The following NRF1 variants were observed in gnomAD, a reference collection of about 807,000 sequenced individuals.
The protein encoded by NRF1 is nuclear respiratory factor 1.
A neutral mutation model predicts 58.5 loss-of-function variants in NRF1; 5 were observed. That is an observed-to-expected ratio of 0.09 (90% confidence interval 0.04 to 0.18). The LOEUF is 0.18. NRF1 is among the 10% of genes least tolerant of loss of function. The pLI is 1.00. For missense variants in NRF1, 288 were observed against 657.7 expected (o/e 0.44, Z 6.15); for synonymous variants, 224 against 246.7 (o/e 0.91, Z 0.86).
chr7:129,744,101 G>A, intron 10 of NRF1: 1 of 1,403,030 alleles, frequency 7.1e-7, no homozygotes, highest in Non-Finnish European at 9.6e-7. Context: ...AAGCGCCGCA[G>A]CGGGGCTGGT....
At chr7:129,646,387 G>T (rs537285889) in intron 1 of NRF1, among the ~76,000 whole-genome samples, 3 of 152,220 alleles carry the variant, frequency 2.0e-5, no homozygotes, top group Admixed American at 1.3e-4. Context: ...AGAAAACCAT[G>T]TGTGGCATTT....
chr7:129,719,545 A>ACACACAC (rs1562982215), intron 9 of NRF1, among the ~76,000 whole-genome samples: 4 of 93,094 alleles, frequency 4.3e-5, no homozygotes, highest in South Asian at 6.6e-4. Context: ...CACACACACA[A>ACACACAC]CACATCTTCT....
rs534343291 is a variant in NRF1 at position 129,679,174 on chromosome 7, C to T, written c.465+1416C>T. Among the ~76,000 whole-genome samples the T allele has an allele frequency of 1.4e-4, 22 of 152,294 alleles. No homozygotes were observed. In the South Asian group the frequency reaches 4.1e-3, roughly 29 times the overall value. ...CCAGTTAATTCTGTTATAAACCATA[C>T]ATATAAATGGGTTAAAGTGCCTTGT... On this transcript the variant is annotated intron_variant, in intron 4 of 10. Coordinates refer to ENST00000393232, the MANE Select transcript of NRF1 (RefSeq NM_005011.5).
intron 2 of NRF1, among the ~76,000 whole-genome samples, chr7:129,660,673 G>A (rs1801758957): frequency 6.6e-6 from 1 of 150,880 alleles, no homozygotes. Flanking sequence ...CCATGGTCTT[G>A]GACAGCTCTG....
chr7:129,617,619 C>T (rs550613024), intron 1 of NRF1, among the ~76,000 whole-genome samples: 7 of 152,082 alleles, frequency 4.6e-5, no homozygotes, highest in East Asian at 1.9e-4. Flanking sequence ...TGGGCCTTGT[C>T]GTGTAGAGCA....
intron 1 of NRF1, among the ~76,000 whole-genome samples, chr7:129,635,755 C>A (rs1443385597): frequency 6.6e-6 from 1 of 152,074 alleles, no homozygotes; most frequent in Non-Finnish European, 1.5e-5. Flanking sequence ...CTAGGTTTTG[C>A]AAGAGGACAT....
intron 2 of NRF1, among the ~76,000 whole-genome samples, chr7:129,666,466 C>G (rs1801924997): frequency 6.6e-6 from 1 of 152,084 alleles, no homozygotes; most frequent in Non-Finnish European, 1.5e-5. Context: ...TGAGATTCAC[C>G]CATGTTGATA....
chr7:129,666,009 G>A (rs531719687), intron 2 of NRF1, among the ~76,000 whole-genome samples: 19 of 152,172 alleles, frequency 1.2e-4, no homozygotes, highest in African/African-American at 4.3e-4. Context: ...AAAGATTCAC[G>A]TGGTCTATAG....
chr7:129,674,822 C>T (rs768817928), intron 3 of NRF1, among the ~76,000 whole-genome samples: 14 of 152,276 alleles, frequency 9.2e-5, no homozygotes, highest in South Asian at 2.1e-4. Flanking sequence ...GGTCTTGCCT[C>T]GATGTTGATG....
At chr7:129,711,206 G>A (rs1278791241) in intron 7 of NRF1, among the ~76,000 whole-genome samples, 2 of 152,184 alleles carry the variant, frequency 1.3e-5, no homozygotes, top group Non-Finnish European at 2.9e-5. Flanking sequence ...ATTGAGGTGA[G>A]AATAGAAAGT....
At chr7:129,702,878 T>A (rs935813647) in intron 5 of NRF1, among the ~76,000 whole-genome samples, 1 of 152,110 alleles carries the variant, frequency 6.6e-6, no homozygotes, top group Non-Finnish European at 1.5e-5. Context: ...TAAATGGACA[T>A]CAGGAGCCTC....
At chr7:129,730,468 G>A (rs1162667067) in intron 10 of NRF1, among the ~76,000 whole-genome samples, 4 of 152,130 alleles carry the variant, frequency 2.6e-5, no homozygotes, top group Non-Finnish European at 5.9e-5. Flanking sequence ...TTCAGAGTAT[G>A]GTTTAAATCA....
chr7:129,729,637 G>A (rs1803533380), intron 10 of NRF1, among the ~76,000 whole-genome samples: 1 of 152,182 alleles, frequency 6.6e-6, no homozygotes, highest in Admixed American at 6.5e-5. Flanking sequence ...AATCTCATAT[G>A]GGATATGATC....
intron 4 of NRF1, among the ~76,000 whole-genome samples, chr7:129,688,735 G>A (rs756268595): frequency 5.3e-5 from 8 of 152,118 alleles, no homozygotes; most frequent in East Asian, 1.9e-4. Context: ...AGGGAATGCC[G>A]GTGGAACTGC....
At chr7:129,631,827 T>G (rs1399456230) in intron 1 of NRF1, among the ~76,000 whole-genome samples, 1 of 152,214 alleles carries the variant, frequency 6.6e-6, no homozygotes, top group Non-Finnish European at 1.5e-5. Flanking sequence ...ATATTTAAGT[T>G]TACTGGACAG....
At chr7:129,695,448 G>A (rs750653012) in intron 5 of NRF1, among the ~76,000 whole-genome samples, 1 of 151,742 alleles carries the variant, frequency 6.6e-6, no homozygotes, top group Non-Finnish European at 1.5e-5. Context: ...GTGGTGGCAC[G>A]CCCCTGTAAT....
chr7:129,700,012 G>T (rs1802784122), intron 5 of NRF1, among the ~76,000 whole-genome samples: 1 of 151,660 alleles, frequency 6.6e-6, no homozygotes, highest in African/African-American at 2.4e-5. Context: ...ATGGTGGCAG[G>T]TGTCTGTAAT....
chr7:129,644,335 G>A (rs1801359075), intron 1 of NRF1, among the ~76,000 whole-genome samples: 1 of 152,122 alleles, frequency 6.6e-6, no homozygotes, highest in African/African-American at 2.4e-5. Flanking sequence ...ACGTCTGTAG[G>A]GCAAGGACAA....
chr7:129,748,267 T>A (rs1374770667), intron 10 of NRF1, among the ~76,000 whole-genome samples: 3 of 72,982 alleles, frequency 4.1e-5, no homozygotes, highest in South Asian at 6.0e-4. Context: ...AAAGCAAGAC[T>A]CCGTCTCAAA....
Sources: gnomAD v4.1 joint callset for allele counts (sites outside exome capture counted in the v4.1 genomes callset) on GRCh38, gnomAD v4.1.1 for gene constraint, MANE v1.5 for transcripts, NCBI Gene and HGNC (gene_info 2026-07-23, HGNC 2026-07-21) for gene names.